The following CDC20B variants were observed in gnomAD, a reference collection of about 807,000 sequenced individuals.
The protein encoded by CDC20B is cell division cycle protein 20 homolog B.
In CDC20B, 58 loss-of-function variants were observed where a neutral mutation model predicts 64.1. The observed-to-expected ratio is 0.90, with a 90% CI of 0.73 to 1.13. The LOEUF (loss-of-function observed/expected upper bound fraction) is 1.13. Among genes scored for constraint, CDC20B ranks in the 50% most tolerant of loss-of-function variants. The pLI is 0.00. For synonymous variants in CDC20B, 243 were observed against 230.6 expected, an observed-to-expected ratio of 1.05 and a Z score of -0.49; for missense variants, 597 against 633.0, an observed-to-expected ratio of 0.94 and a Z score of 0.61.
At chr5:55,154,774 T>C (rs1342345849) in intron 2 of CDC20B, among the ~76,000 whole-genome samples, 1 of 152,232 alleles carries the variant, frequency 6.6e-6, no homozygotes, top group Non-Finnish European at 1.5e-5. Flanking sequence ...ATGTATTTAA[T>C]GTCATTTTAT....
rs1190694239 is a variant in CDC20B, at chr5:55,141,445, G to C, written c.487-1038C>G. Among the ~76,000 whole-genome samples the C allele has an allele frequency of 2.0e-5, 3 of 152,330 alleles. 1 individual carries two copies. Among genetic ancestry groups the C allele is most frequent in the African/African-American group, 7.2e-5 (3 of 41,574 alleles). On this transcript the variant is annotated intron_variant, in intron 4 of 11. Coordinates refer to ENST00000381375, the MANE Select transcript of CDC20B (RefSeq NM_001170402.1). ...ACCTTTTACGGACAATAGTGGCTTA[G>C]AGCCAAGTGATGGCCTTCCCGGTGT...
At chr5:55,167,811 CCGA>C (rs1427484956) in intron 2 of CDC20B, among the ~76,000 whole-genome samples, 2 of 152,116 alleles carry the variant, frequency 1.3e-5, no homozygotes, top group Non-Finnish European at 2.9e-5. Context: ...CTGCAGTGAG[CCGA>C]CATGGCTCCA....
At chr5:55,170,012 G>A (rs1417239214) in intron 2 of CDC20B, among the ~76,000 whole-genome samples, 3 of 152,132 alleles carry the variant, frequency 2.0e-5, no homozygotes, top group Admixed American at 6.6e-5. Flanking sequence ...TACTCCAGAG[G>A]CTGAGGCAGG....
intron 2 of CDC20B, among the ~76,000 whole-genome samples, chr5:55,157,575 A>G (rs1002894873): frequency 6.6e-6 from 1 of 152,256 alleles, no homozygotes; most frequent in African/African-American, 2.4e-5. Context: ...TTGTATTCAT[A>G]TAATATGGAA....
chr5:55,166,639 A>G (rs932424091), intron 2 of CDC20B: 1 of 152,204 alleles, frequency 6.6e-6, no homozygotes, highest in Non-Finnish European at 1.5e-5. Flanking sequence ...AATCTTTCCT[A>G]TATTGGACAA....
chr5:55,142,200 G>A lies in CDC20B; in HGVS notation c.486+1313C>T, dbSNP rs533139323. Among the ~76,000 whole-genome samples the A allele has an allele frequency of 4.6e-5, 7 of 152,228 alleles. No homozygotes were observed. The East Asian group carries it at 7.7e-4, about 17-fold the overall frequency. ...GAAGATGAATTCTGAAAGTCTCCAC[G>A]GCTATGCAGGCCCTCGTTGTGGAAA... is the stretch of plus-strand genomic sequence containing the variant. On this transcript the variant is annotated intron_variant, in intron 4 of 11. Transcript: ENST00000381375.
rs149058507 is a variant in CDC20B at position 55,118,898 on chromosome 5, T to C, written c.1459+903A>G. On this transcript the variant is annotated intron_variant, in intron 11 of 11. Transcript: ENST00000381375. ...ATCTCCAAAGAGAGTCATGGTATTA[T>C]CACTACCTAACATTGCATATATTTG... Among the ~76,000 whole-genome samples, 148 of 152,306 alleles carry C rather than the reference T, an allele frequency of 9.7e-4. 1 individual carries two copies. The highest frequency in any genetic ancestry group is 1.5e-3 in the Non-Finnish European group (104 of 68,028).
chr5:55,136,328 G>C (rs1006955622), intron 5 of CDC20B, among the ~76,000 whole-genome samples: 1 of 152,016 alleles, frequency 6.6e-6, no homozygotes, highest in African/African-American at 2.4e-5. Context: ...GGGAGGCCAA[G>C]GTGGGCAGAT....
At chr5:55,150,061 G>A (rs1006821059) in intron 2 of CDC20B, among the ~76,000 whole-genome samples, 1 of 152,140 alleles carries the variant, frequency 6.6e-6, no homozygotes, top group Non-Finnish European at 1.5e-5. Flanking sequence ...GAACCCAGGA[G>A]GCAGAGGTTG....
At chr5:55,162,090 CAAAAAAAAAAAA>C (rs34286995) in intron 2 of CDC20B, among the ~76,000 whole-genome samples, 2 of 90,730 alleles carry the variant, frequency 2.2e-5, no homozygotes, top group Non-Finnish European at 4.5e-5. Flanking sequence ...CCATATTAGT[CAAAAAAAAAAAA>C]AAAAAAAAAA....
intron 6 of CDC20B, 80 bp from the exon 7 acceptor site, chr5:55,128,697 G>A: frequency 9.5e-7 from 1 of 1,057,762 alleles, no homozygotes; most frequent in Non-Finnish European, 1.3e-6. Context: ...TATAGGTAGG[G>A]GGAAAAGAAT....
intron 2 of CDC20B, 89 bp from the exon 3 acceptor site, chr5:55,146,945 C>T: frequency 1.3e-6 from 1 of 742,684 alleles, no homozygotes; most frequent in Non-Finnish European, 2.2e-6. Context: ...AATGACTCAT[C>T]TAGTACAACA....
At chr5:55,159,486 C>A (rs1034129820) in intron 2 of CDC20B, among the ~76,000 whole-genome samples, 1 of 152,154 alleles carries the variant, frequency 6.6e-6, no homozygotes, top group East Asian at 1.9e-4. Flanking sequence ...TTGTAAAGTG[C>A]ACTGCTGACT....
chr5:55,172,755 T>A (rs1744646617), intron 1 of CDC20B, 105 bp from the exon 2 acceptor site: 1 of 74,954 alleles, frequency 1.3e-5, no homozygotes, highest in Non-Finnish European at 2.4e-5. Context: ...TACACTTTTT[T>A]TTTTTTTTTT....
chr5:55,120,803 T>A (rs1317009540), intron 9 of CDC20B, among the ~76,000 whole-genome samples: 1 of 152,176 alleles, frequency 6.6e-6, no homozygotes, highest in Non-Finnish European at 1.5e-5. Context: ...CAATTGTGGA[T>A]TTTTTAACAT....
In CDC20B at chr5:55,172,975, G is replaced by A; in HGVS notation, c.26C>T (p.Ala9Val). Reference sequence around the variant, plus strand: ...CTCTTCCGTGCGGACCCTCCGAGGCGCGGTGCGCTCCAGTTTCCACTCCAT... The same window carrying A: ...CTCTTCCGTGCGGACCCTCCGAGGCACGGTGCGCTCCAGTTTCCACTCCAT... MEWKLERTAPRRVRTEEEM... is the reference protein window; with the variant it reads MEWKLERTVPRRVRTEEEM... Residue 9 changes from alanine (A) to valine (V), a missense_variant, in exon 1 of 12, where the codon GCG becomes GTG. This residue lies in a region of CDC20B where 241 missense variants were observed against 219.2 expected (regional missense o/e 1.10). Coordinates refer to ENST00000381375, the MANE Select transcript of CDC20B (RefSeq NM_001170402.1). 6.2e-7 allele frequency: 1 copy of A among 1,611,994 alleles called. No individual in the cohort carries two copies. Among genetic ancestry groups the A allele is most frequent in the East Asian group, 2.2e-5 (1 of 44,802 alleles).
intron 2 of CDC20B, among the ~76,000 whole-genome samples, chr5:55,158,601 C>A (rs1743884699): frequency 6.6e-6 from 1 of 152,176 alleles, no homozygotes; most frequent in Admixed American, 6.5e-5. Context: ...CTCTCTGAAG[C>A]TCCACAAGCT....
Position 55,113,580 on chromosome 5 carries a change from G to C in CDC20B, c.*638C>G, listed in dbSNP as rs939790382. The C allele has an allele frequency of 6.5e-6, 1 of 152,686 alleles. No homozygotes were observed. Among genetic ancestry groups the C allele is most frequent in the Non-Finnish European group, 1.5e-5 (1 of 68,430 alleles). The allele number at this position is 152,686 out of a possible 1,614,324, so 9.5% of individuals were successfully genotyped here. A position where few individuals can be genotyped will look rare whatever the true frequency, so the allele number is the denominator to read the frequency against. On this transcript the variant is annotated 3_prime_UTR_variant, in exon 12 of 12. Coordinates refer to ENST00000381375, the MANE Select transcript of CDC20B (RefSeq NM_001170402.1). ...CAGGATGTGACTAGGTGAAGCAAAAGAAAAGAGAGCAAAGGGTGAACTGAG... is the reference window on the plus strand; with the variant it reads ...CAGGATGTGACTAGGTGAAGCAAAACAAAAGAGAGCAAAGGGTGAACTGAG...
chr5:55,134,404 A>G (rs1743106607), intron 5 of CDC20B, among the ~76,000 whole-genome samples: 1 of 152,186 alleles, frequency 6.6e-6, no homozygotes, highest in Non-Finnish European at 1.5e-5. Context: ...TACTAAAAAT[A>G]CTTAGGCTTG....
Sources: gnomAD v4.1 joint callset for allele counts (sites outside exome capture counted in the v4.1 genomes callset) on GRCh38, gnomAD v4.1.1 for gene constraint, gnomAD v4.1.1 regional missense constraint, MANE v1.5 for transcripts, NCBI Gene and HGNC (gene_info 2026-07-23, HGNC 2026-07-21) for gene names.